The following LINGO2 variants were observed in gnomAD, a reference collection of about 807,000 sequenced individuals.
LINGO2 encodes leucine-rich repeat and immunoglobulin-like domain-containing nogo receptor-interacting protein 2.
Under a neutral mutation model 30.6 loss-of-function variants are expected in LINGO2, and 14 were observed. That is an observed-to-expected ratio of 0.46 (90% CI 0.30 to 0.72). LINGO2 has a LOEUF of 0.72. Among genes scored for constraint, LINGO2 ranks in the 30% least tolerant of loss-of-function variants. LINGO2 has a pLI of 0.07. For synonymous variants in LINGO2, 317 were observed against 288.5 expected, an observed-to-expected ratio of 1.10 and a Z score of -1.00; for missense variants, 729 against 751.7, an observed-to-expected ratio of 0.97 and a Z score of 0.35.
chr9:28,850,862 C>T, the LINGO2 span, among the ~76,000 whole-genome samples: 1 of 152,078 alleles, frequency 6.6e-6, no homozygotes, highest in South Asian at 2.1e-4. Context: ...GAAATTCTCC[C>T]CAAAATGCCC....
chr9:28,070,262 G>T (rs983876031), intron 4 of LINGO2, among the ~76,000 whole-genome samples: 3 of 152,008 alleles, frequency 2.0e-5, no homozygotes, highest in African/African-American at 7.2e-5. Context: ...AAGTCATCAT[G>T]AAGACAGTTT....
chr9:28,736,358 G>A, the LINGO2 span, among the ~76,000 whole-genome samples: 2 of 152,130 alleles, frequency 1.3e-5, no homozygotes, highest in South Asian at 4.1e-4. Context: ...AGCAGTATGT[G>A]CTTAGGAGTC....
intron 1 of LINGO2, among the ~76,000 whole-genome samples, chr9:28,536,612 C>T (rs1444790997): frequency 6.6e-6 from 1 of 152,066 alleles, no homozygotes; most frequent in African/African-American, 2.4e-5. Context: ...ATTGCCTTAA[C>T]AGTTGAATAT....
chr9:28,366,965 C>T (rs188889171), intron 3 of LINGO2, among the ~76,000 whole-genome samples: 3 of 152,054 alleles, frequency 2.0e-5, no homozygotes, highest in African/African-American at 7.2e-5. Context: ...GGTAAAATGC[C>T]ATTTTTTCTT....
chr9:28,518,865 C>T (rs1031094941), intron 1 of LINGO2, among the ~76,000 whole-genome samples: 10 of 152,078 alleles, frequency 6.6e-5, no homozygotes, highest in African/African-American at 1.4e-4. Context: ...TAGGTCCAGC[C>T]GGAAACCTAG....
chr9:28,403,002 G>A (rs1192557215), intron 2 of LINGO2, among the ~76,000 whole-genome samples: 1 of 152,082 alleles, frequency 6.6e-6, no homozygotes, highest in African/African-American at 2.4e-5. Flanking sequence ...GATTCTTAAT[G>A]CATAAAATAA....
chr9:28,380,690 A>C (rs1390771415), intron 2 of LINGO2, among the ~76,000 whole-genome samples: 1 of 152,100 alleles, frequency 6.6e-6, no homozygotes, highest in Admixed American at 6.6e-5. Flanking sequence ...GGAAGCTACA[A>C]AGTCTTTCTT....
intron 1 of LINGO2, among the ~76,000 whole-genome samples, chr9:28,508,573 T>C (rs1364990567): frequency 6.6e-6 from 1 of 152,176 alleles, no homozygotes. Context: ...TTTTCACTTA[T>C]ATTTATCTAA....
chr9:29,164,044 A>G, the LINGO2 span, among the ~76,000 whole-genome samples: 2 of 151,908 alleles, frequency 1.3e-5, no homozygotes, highest in African/African-American at 4.8e-5. Context: ...TTAGTATGCT[A>G]CTGAAAGGAA....
chr9:28,034,929 T>C (rs1397358096), intron 4 of LINGO2, among the ~76,000 whole-genome samples: 5 of 152,140 alleles, frequency 3.3e-5, no homozygotes, highest in Non-Finnish European at 2.9e-5. Flanking sequence ...AGATTTTGAG[T>C]GTATAGAGTA....
intron 1 of LINGO2, among the ~76,000 whole-genome samples, chr9:28,625,672 T>A (rs1486227836): frequency 6.6e-6 from 1 of 152,098 alleles, no homozygotes; most frequent in East Asian, 1.9e-4. Flanking sequence ...TCCTTTTTAT[T>A]GTTAAGTAGT....
At chr9:28,201,952 A>C (rs1820251471) in intron 4 of LINGO2, among the ~76,000 whole-genome samples, 1 of 152,030 alleles carries the variant, frequency 6.6e-6, no homozygotes, top group African/African-American at 2.4e-5. Context: ...AGGTGTTAGC[A>C]AGGTTGGTTC....
At chr9:28,932,259 C>G in the LINGO2 span, among the ~76,000 whole-genome samples, 3 of 151,970 alleles carry the variant, frequency 2.0e-5, no homozygotes, top group Non-Finnish European at 2.9e-5. Flanking sequence ...ATTCTTTTCT[C>G]CTGAAGTCTG....
the LINGO2 span, among the ~76,000 whole-genome samples, chr9:29,109,307 C>T: frequency 6.6e-5 from 10 of 152,108 alleles, no homozygotes; most frequent in South Asian, 1.5e-3. Flanking sequence ...CTGCCCATTA[C>T]GGTGAAAATA....
the LINGO2 span, among the ~76,000 whole-genome samples, chr9:29,148,389 G>A: frequency 6.6e-6 from 1 of 152,110 alleles, no homozygotes; most frequent in South Asian, 2.1e-4. Flanking sequence ...AGGTAAATGA[G>A]TAAAGAGATT....
chr9:29,036,340 A>G, the LINGO2 span, among the ~76,000 whole-genome samples: 3 of 152,110 alleles, frequency 2.0e-5, no homozygotes, highest in Non-Finnish European at 4.4e-5. Context: ...TTATTTCATG[A>G]AAGGTCTAAC....
chr9:28,109,919 C>A (rs1826722977), intron 4 of LINGO2, among the ~76,000 whole-genome samples: 1 of 151,960 alleles, frequency 6.6e-6, no homozygotes, highest in African/African-American at 2.4e-5. Context: ...GGAACCAAAA[C>A]AGAGCCCAAA....
chr9:28,759,934 T>C, the LINGO2 span, among the ~76,000 whole-genome samples: 1 of 152,014 alleles, frequency 6.6e-6, no homozygotes, highest in African/African-American at 2.4e-5. Flanking sequence ...ATAAACACCA[T>C]CATCTACCAC....
At chr9:28,676,417 ACTCT>A in the LINGO2 span, among the ~76,000 whole-genome samples, 2 of 152,002 alleles carry the variant, frequency 1.3e-5, no homozygotes, top group African/African-American at 4.8e-5. Flanking sequence ...TACTTGATTG[ACTCT>A]CTCTATACAT....
Sources: allele counts gnomAD v4.1 joint callset (sites outside exome capture counted in the v4.1 genomes callset), GRCh38; gene constraint gnomAD v4.1.1; transcripts MANE v1.5; gene names NCBI Gene and HGNC (gene_info 2026-07-23, HGNC 2026-07-21).